SFT2D1: variants seen among roughly 807,000 people sequenced by gnomAD.
SFT2D1 encodes vesicle transport protein SFT2A.
In SFT2D1, 24 loss-of-function variants were observed where a neutral mutation model predicts 28.1. The observed-to-expected ratio is 0.85, with a 90% CI of 0.62 to 1.20. The LOEUF (loss-of-function observed/expected upper bound fraction) is 1.20. Among genes scored for constraint, SFT2D1 ranks in the 50% most tolerant of loss-of-function variants. The pLI is 0.00. For synonymous variants in SFT2D1, 82 were observed against 73.7 expected (o/e 1.11, Z -0.58); for missense variants, 181 against 190.9 (o/e 0.95, Z 0.31).
chr6:166,337,149 G>A lies in SFT2D1; in HGVS notation c.63+5270C>T, dbSNP rs1297168591. Among the ~76,000 whole-genome samples the A allele has an allele frequency of 2.6e-5, 4 of 152,306 alleles. No homozygotes were observed. The East Asian group carries it at 7.7e-4, about 29-fold the overall frequency. On this transcript the variant is annotated intron_variant, in intron 1 of 7. Coordinates refer to ENST00000361731, the MANE Select transcript of SFT2D1 (RefSeq NM_145169.3). ...TGGGGAGGTGCAGTCAAGGTCCCAG[G>A]CCCTTCGGCCCACCACACTTTTTCA...
chr6:166,324,619 A>G (rs777090543), intron 5 of SFT2D1, 24 bp from the exon 6 acceptor site: 32 of 1,601,480 alleles, frequency 2.0e-5, no homozygotes, highest in Admixed American at 1.8e-5. Context: ...AAACAGAGCA[A>G]TTATGAGTTT....
chr6:166,324,188 G>C, intron 6 of SFT2D1: 1 of 204,782 alleles, frequency 4.9e-6, no homozygotes, highest in Non-Finnish European at 9.8e-6. Flanking sequence ...GGAGAATGCA[G>C]GTAAACTCAT....
At chr6:166,342,206 G>T (rs1432527604) in intron 1 of SFT2D1, among the ~76,000 whole-genome samples, 1 of 152,036 alleles carries the variant, frequency 6.6e-6, no homozygotes, top group Admixed American at 6.6e-5. Flanking sequence ...GAGTCGGGGG[G>T]GGGCCTCAAA....
intron 1 of SFT2D1, chr6:166,335,403 C>T (rs993563576): frequency 5.3e-6 from 3 of 570,204 alleles, no homozygotes; most frequent in Non-Finnish European, 1.0e-5. Flanking sequence ...AATTTTGGAC[C>T]CATAAAGGGA....
chr6:166,324,438 A>G (rs941046920), intron 6 of SFT2D1, 99 bp downstream of exon 6: 10 of 1,217,120 alleles, frequency 8.2e-6, no homozygotes, highest in African/African-American at 4.5e-5. Context: ...TCTGGCTCCA[A>G]AACACCAGAC....
At chr6:166,330,766 C>G (rs1273638166) in intron 1 of SFT2D1, among the ~76,000 whole-genome samples, 2 of 152,222 alleles carry the variant, frequency 1.3e-5, no homozygotes, top group African/African-American at 4.8e-5. Context: ...AGAGGCTGGC[C>G]TTCCACACGC....
intron 7 of SFT2D1, among the ~76,000 whole-genome samples, chr6:166,321,664 A>G (rs980538114): frequency 3.3e-5 from 5 of 152,190 alleles, no homozygotes; most frequent in Non-Finnish European, 5.9e-5. Context: ...TTAAATATAT[A>G]ACATATCTTT....
At chr6:166,333,439 G>A (rs868366770) in intron 1 of SFT2D1, among the ~76,000 whole-genome samples, 14 of 152,150 alleles carry the variant, frequency 9.2e-5, no homozygotes, top group South Asian at 2.1e-4. Context: ...CCAAAATTCC[G>A]GCTGCCGCTC....
intron 4 of SFT2D1, 84 bp downstream of exon 4, chr6:166,328,192 T>C (rs2114898357): frequency 1.5e-6 from 1 of 651,046 alleles, no homozygotes; most frequent in Non-Finnish European, 2.4e-6. Context: ...AAAAGAAGTA[T>C]ACATACATAA....
chr6:166,338,124 T>C (rs956723825), intron 1 of SFT2D1, among the ~76,000 whole-genome samples: 9 of 152,222 alleles, frequency 5.9e-5, no homozygotes, highest in Non-Finnish European at 1.5e-5. Flanking sequence ...GTCTAAGGTA[T>C]TTTATTACAG....
At chr6:166,338,654 G>A (rs961471906) in intron 1 of SFT2D1, among the ~76,000 whole-genome samples, 1 of 152,096 alleles carries the variant, frequency 6.6e-6, no homozygotes, top group African/African-American at 2.4e-5. Context: ...AAAGAGGGCA[G>A]GGCAAGGCAA....
intron 3 of SFT2D1, among the ~76,000 whole-genome samples, chr6:166,329,026 A>C (rs1361568679): frequency 6.6e-6 from 1 of 152,134 alleles, no homozygotes; most frequent in African/African-American, 2.4e-5. Flanking sequence ...TGTAAGCTCC[A>C]CAAGAACAAA....
chr6:166,340,902 A>C (rs964473080), intron 1 of SFT2D1, among the ~76,000 whole-genome samples: 4 of 152,186 alleles, frequency 2.6e-5, no homozygotes, highest in Non-Finnish European at 5.9e-5. Flanking sequence ...CAGTCACTCT[A>C]ATCTTTGATT....
rs535005472 is a variant in SFT2D1 at position 166,326,791 on chromosome 6, A to G, written c.316-624T>C. On this transcript the variant is annotated intron_variant, in intron 4 of 7. Transcript: ENST00000361731. ...ACGTCTTATATGTTCAAACGTTCCC[A>G]CGTTCTCTCAACATGTGTGTTTTTG... is the stretch of plus-strand genomic sequence containing the variant. Among the ~76,000 whole-genome samples the G allele has an allele frequency of 2.0e-5, 3 of 152,352 alleles. No individual in the cohort carries two copies. In the East Asian group the frequency reaches 5.8e-4, roughly 29 times the overall value.
chr6:166,332,920 A>C (rs1217345666), intron 1 of SFT2D1, among the ~76,000 whole-genome samples: 6 of 152,216 alleles, frequency 3.9e-5, no homozygotes, highest in African/African-American at 1.4e-4. Context: ...CCCACAGCAC[A>C]GCCGAAACCC....
intron 7 of SFT2D1, among the ~76,000 whole-genome samples, chr6:166,322,103 G>A (rs1216219516): frequency 2.6e-5 from 4 of 152,098 alleles, no homozygotes; most frequent in African/African-American, 9.7e-5. Flanking sequence ...GGCTGGTCTT[G>A]AACTCCTGAC....
chr6:166,333,833 C>T (rs1778596082), intron 1 of SFT2D1, among the ~76,000 whole-genome samples: 1 of 152,196 alleles, frequency 6.6e-6, no homozygotes, highest in African/African-American at 2.4e-5. Context: ...TCTTAGCAGA[C>T]AACTTCCCCT....
chr6:166,339,511 G>C (rs928289700), intron 1 of SFT2D1, among the ~76,000 whole-genome samples: 3 of 151,950 alleles, frequency 2.0e-5, no homozygotes, highest in African/African-American at 4.8e-5. Context: ...TGCTCCACAG[G>C]AAAAATCACT....
Position 166,326,164 on chromosome 6 carries a change from A to T in SFT2D1, c.319T>A (p.Cys107Ser). 2 of 1,613,500 alleles carry T rather than the reference A, an allele frequency of 1.2e-6. No individual in the cohort carries two copies. The highest frequency in any genetic ancestry group is 2.2e-5 in the East Asian group (1 of 44,876). ...RLLATIVMLL[C>S]FIFTLCAALW... is the part of the protein sequence containing the mutation. ...GCAGCACACAGGGTAAATATGAAAC[A>T]CAACTACAGGGGAAGAAAGAGTAGA... Residue 107 changes from cysteine to serine, a missense_variant, in exon 5 of 8, where the codon TGT becomes AGT. Coordinates refer to ENST00000361731, the MANE Select transcript of SFT2D1 (RefSeq NM_145169.3).
Sources: allele counts gnomAD v4.1 joint callset (sites outside exome capture counted in the v4.1 genomes callset), GRCh38; gene constraint gnomAD v4.1.1; transcripts MANE v1.5; gene names NCBI Gene and HGNC (gene_info 2026-07-23, HGNC 2026-07-21).